SLIT3: variants seen among roughly 807,000 people sequenced by gnomAD.
SLIT3 encodes slit homolog 3 protein.
In SLIT3, 68 loss-of-function variants were observed where a neutral mutation model predicts 184.0. The observed-to-expected ratio is 0.37, with a 90% CI of 0.30 to 0.45. The LOEUF is 0.45. Ranked by LOEUF, SLIT3 falls within the 20% of genes least tolerant of loss-of-function variation. The pLI is 1.00. For synonymous variants in SLIT3, 831 were observed against 828.6 expected (o/e 1.00, Z -0.05); for missense variants, 1,707 against 2,026.0 (o/e 0.84, Z 3.02).
intron 4 of SLIT3, among the ~76,000 whole-genome samples, chr5:169,167,696 G>A (rs772012103): frequency 2.6e-5 from 4 of 152,114 alleles, no homozygotes; most frequent in Non-Finnish European, 5.9e-5. Context: ...ATCTGCACTG[G>A]TAAGGAGCAG....
chr5:168,661,789 C>T lies in SLIT3; in HGVS notation c.*4665G>A, dbSNP rs1423982564. The T allele has an allele frequency of 6.6e-6, 1 of 152,084 alleles. No individual in the cohort carries two copies. The highest frequency in any genetic ancestry group is 1.5e-5 in the Non-Finnish European group (1 of 68,032). The allele number at this position is 152,084 out of a possible 1,614,324, so 9.4% of individuals were successfully genotyped here. On this transcript the variant is annotated 3_prime_UTR_variant, in exon 36 of 36. Transcript: ENST00000519560. ...TCTGATAGCTCCTCTGTGACTCATC[C>T]ATTTATTTTAATGACATCTGAATAT...
chr5:168,967,384 C>T (rs1023623498), intron 4 of SLIT3, among the ~76,000 whole-genome samples: 2 of 149,738 alleles, frequency 1.3e-5, no homozygotes, highest in Admixed American at 6.7e-5. Flanking sequence ...ATAACACTTG[C>T]GTCATAATTT....
intron 32 of SLIT3, among the ~76,000 whole-genome samples, chr5:168,673,823 A>G (rs58592712): frequency 0.062 from 9,467 of 152,194 alleles, 706 homozygotes; most frequent in East Asian, 0.23. Flanking sequence ...AGGGTCAGGT[A>G]TTGCATTTGG....
intron 4 of SLIT3, among the ~76,000 whole-genome samples, chr5:168,916,831 C>G (rs1761451791): frequency 1.3e-5 from 2 of 152,160 alleles, no homozygotes; most frequent in Non-Finnish European, 1.5e-5. Context: ...TTTCTCCAGG[C>G]AACTTTTCTT....
At position 168,685,833 on chromosome 5, in the gene SLIT3, C is replaced by T. The variant is rs749700737; in HGVS notation, c.3409G>A (p.Val1137Met). 1.2e-6 allele frequency: 2 copies of T among 1,613,778 alleles called. No individual in the cohort carries two copies. The highest frequency in any genetic ancestry group is 1.7e-5 in the Admixed American group (1 of 59,996). The change falls in exon 31 of 36, where the codon GTG becomes ATG. Residue 1137 changes from valine (V) to methionine (M), a missense_variant. Physicochemically the swap from Val to Met is conservative, Grantham distance 21 (BLOSUM62 1). Around this residue, in one of 3 missense-constraint regions of SLIT3, gnomAD observed 1,307 missense variants for 1,511.6 expected, o/e 0.86. Transcript: ENST00000519560. Reference sequence around the variant, plus strand: ...CAGCGGCAGGTGGGCTCCTGCTGCACCACGATGCACTGGGCCCCGTTCTGG... The same window carrying T: ...CAGCGGCAGGTGGGCTCCTGCTGCATCACGATGCACTGGGCCCCGTTCTGG... ...ECQNGAQCIV[V>M]QQEPTCRCPP... is the part of the protein sequence containing the mutation.
chr5:168,776,355 C>T (rs1248379101), intron 12 of SLIT3, among the ~76,000 whole-genome samples: 2 of 152,210 alleles, frequency 1.3e-5, no homozygotes, highest in African/African-American at 2.4e-5. Context: ...AGGGTTCACA[C>T]AGATGTCCTC....
rs576313677 is a variant in SLIT3, at chr5:169,295,917, C to T, written c.197+4596G>A. ...CGCTGATGAGTTCCTGATTAGAAAG[C>T]CCTGTGGTTTAAGTGCTCAGGATTT... On this transcript the variant is annotated intron_variant, in intron 1 of 35. Transcript: ENST00000519560. 6.6e-5 allele frequency among the ~76,000 whole-genome samples: 10 copies of T among 152,310 alleles called. No individual in the cohort carries two copies. The East Asian group carries it at 1.9e-3, about 29-fold the overall frequency.
chr5:168,817,189 C>T, intron 8 of SLIT3, 111 bp downstream of exon 8: 1 of 983,964 alleles, frequency 1.0e-6, no homozygotes, highest in South Asian at 1.5e-5. Flanking sequence ...GGGGTTCCTT[C>T]CACACCAAGC....
intron 4 of SLIT3, among the ~76,000 whole-genome samples, chr5:168,991,431 G>A (rs60650584): frequency 0.04 from 6,039 of 152,310 alleles, 163 homozygotes; most frequent in Non-Finnish European, 0.057. Context: ...TACAGCCCCA[G>A]GCTTGGGAGG....
chr5:169,016,093 C>A (rs565111990), intron 4 of SLIT3, among the ~76,000 whole-genome samples: 19 of 152,112 alleles, frequency 1.2e-4, no homozygotes, highest in Non-Finnish European at 2.4e-4. Context: ...GAGCCCCAGC[C>A]GCAGACCAGG....
chr5:168,728,936 C>CAAA (rs532015839), intron 20 of SLIT3, among the ~76,000 whole-genome samples: 2 of 140,348 alleles, frequency 1.4e-5, no homozygotes, highest in East Asian at 4.1e-4. Flanking sequence ...ACCAAAGAAA[C>CAAA]AAAAAAAAAA....
chr5:168,940,920 C>T (rs1375467890), intron 4 of SLIT3, among the ~76,000 whole-genome samples: 3 of 152,138 alleles, frequency 2.0e-5, no homozygotes, highest in African/African-American at 7.2e-5. Flanking sequence ...CAGATGCAAC[C>T]ACTCAGGATC....
At chr5:168,979,985 CAAAA>C (rs1754895558) in intron 4 of SLIT3, among the ~76,000 whole-genome samples, 1 of 151,948 alleles carries the variant, frequency 6.6e-6, no homozygotes, top group East Asian at 1.9e-4. Flanking sequence ...AGGAACTGGG[CAAAA>C]AGGGGCTTCC....
intron 4 of SLIT3, among the ~76,000 whole-genome samples, chr5:168,907,977 T>TAGAGAGAGAGAGAGAGAGAGAG (rs1306645535): frequency 4.8e-5 from 3 of 62,236 alleles, no homozygotes; most frequent in African/African-American, 2.7e-4. Context: ...TATATATATA[T>TAGAGAGAGAGAGAGAGAGAGAG]ATAGAGAGAG....
At chr5:169,042,681 TAC>T (rs1757486316) in intron 4 of SLIT3, among the ~76,000 whole-genome samples, 1 of 152,192 alleles carries the variant, frequency 6.6e-6, no homozygotes, top group Non-Finnish European at 1.5e-5. Flanking sequence ...CCTTATATAT[TAC>T]AGTCACATCA....
chr5:168,672,176 TGCACCTGGA>T (rs1761274429), intron 33 of SLIT3, among the ~76,000 whole-genome samples: 1 of 152,130 alleles, frequency 6.6e-6, no homozygotes, highest in Non-Finnish European at 1.5e-5. Flanking sequence ...CCGTTCTGGG[TGCACCTGGA>T]GCAGGTGGGG....
intron 29 of SLIT3, 96 bp downstream of exon 29, chr5:168,692,511 A>T: frequency 2.7e-6 from 2 of 738,088 alleles, no homozygotes; most frequent in Non-Finnish European, 4.8e-6. Context: ...AGAGAGAGAG[A>T]GAGCATGCAG....
intron 1 of SLIT3, among the ~76,000 whole-genome samples, chr5:169,277,312 C>A (rs1463456839): frequency 2.6e-5 from 4 of 152,174 alleles, no homozygotes; most frequent in African/African-American, 7.2e-5. Context: ...CTCACCATAG[C>A]CTCTACCTCC....
chr5:169,034,821 C>T (rs1757168768), intron 4 of SLIT3, among the ~76,000 whole-genome samples: 1 of 151,008 alleles, frequency 6.6e-6, no homozygotes. Flanking sequence ...TCACTGCTTA[C>T]TGCAGCCTTG....
Sources: gnomAD v4.1 joint callset for allele counts (sites outside exome capture counted in the v4.1 genomes callset) on GRCh38, gnomAD v4.1.1 for gene constraint, gnomAD v4.1.1 regional missense constraint, MANE v1.5 for transcripts, NCBI Gene and HGNC (gene_info 2026-07-23, HGNC 2026-07-21) for gene names.